The following PLCH1 variants were observed in gnomAD, a reference collection of about 807,000 sequenced individuals.
PLCH1 encodes phospholipase C eta 1, also known as 1-phosphatidylinositol 4,5-bisphosphate phosphodiesterase eta-1.
Under a neutral mutation model 126.7 loss-of-function variants are expected in PLCH1, and 60 were observed. The ratio of observed to expected loss-of-function variants is 0.47; its 90% confidence interval spans 0.38 to 0.59. PLCH1 has a LOEUF of 0.59. PLCH1 is among the 20% of genes least tolerant of loss of function. PLCH1 has a pLI of 0.00. For synonymous variants in PLCH1, 719 were observed against 734.9 expected (o/e 0.98, Z 0.35); for missense variants, 1,723 against 2,040.0 (o/e 0.84, Z 2.99).
intron 2 of PLCH1, among the ~76,000 whole-genome samples, chr3:155,601,267 G>A (rs926574246): frequency 4.6e-5 from 7 of 152,072 alleles, no homozygotes; most frequent in African/African-American, 7.2e-5. Context: ...GTGAGCCACC[G>A]CACCTGGCCT....
At chr3:155,583,405 C>A in intron 6 of PLCH1, 67 bp downstream of exon 6, 1 of 1,316,854 alleles carries the variant, frequency 7.6e-7, no homozygotes, top group Non-Finnish European at 1.1e-6. Context: ...ATATTTAACC[C>A]CAAAAGAAAG....
intron 10 of PLCH1, among the ~76,000 whole-genome samples, chr3:155,542,947 G>A (rs923890311): frequency 6.6e-6 from 1 of 152,160 alleles, no homozygotes; most frequent in African/African-American, 2.4e-5. Flanking sequence ...AAAAAACAGA[G>A]CAGAAAAACT....
At chr3:155,675,516 T>G (rs1185049697) in intron 2 of PLCH1, among the ~76,000 whole-genome samples, 1 of 152,188 alleles carries the variant, frequency 6.6e-6, no homozygotes, top group Non-Finnish European at 1.5e-5. Context: ...AGCTAATTAT[T>G]TTTACTATCC....
intron 2 of PLCH1, among the ~76,000 whole-genome samples, chr3:155,620,795 G>A (rs905014581): frequency 1.2e-4 from 18 of 152,138 alleles, no homozygotes; most frequent in Non-Finnish European, 2.4e-4. Flanking sequence ...CATCTCCCTG[G>A]GACAGAGCAC....
intron 2 of PLCH1, among the ~76,000 whole-genome samples, chr3:155,616,063 A>G (rs1055139004): frequency 2.0e-5 from 3 of 152,198 alleles, no homozygotes; most frequent in Admixed American, 1.3e-4. Context: ...GGTAAGGCCT[A>G]GAGACATTTG....
intron 1 of PLCH1, among the ~76,000 whole-genome samples, chr3:155,739,451 T>G (rs557833596): frequency 1.3e-4 from 20 of 152,196 alleles, no homozygotes; most frequent in African/African-American, 4.8e-4. Flanking sequence ...TAAACACCAC[T>G]TCCAAAAACA....
chr3:155,727,491 G>T (rs150981055), intron 1 of PLCH1, among the ~76,000 whole-genome samples: 4,505 of 151,426 alleles, frequency 0.03, 80 homozygotes, highest in Middle Eastern at 0.13. Context: ...GGGCTCAAGC[G>T]ATTCTCCTGC....
chr3:155,637,457 A>T (rs921848299), intron 2 of PLCH1, among the ~76,000 whole-genome samples: 2 of 152,204 alleles, frequency 1.3e-5, no homozygotes. Flanking sequence ...AAGGATGAGC[A>T]AAATAAAATG....
In PLCH1 at chr3:155,704,255, C is replaced by A. The variant is rs1746490668; in HGVS notation, c.-31G>T. ...GAAGATTTCTGGCACAGCATCAAAA[C>A]CAAATTGCCCTGTCAAGGGAAACAG... On this transcript the variant is annotated 5_prime_UTR_variant, in exon 2 of 23. Transcript: ENST00000460012. The A allele has an allele frequency of 1.0e-6, 1 of 997,570 alleles. No homozygotes were observed. The highest frequency in any genetic ancestry group is 1.3e-6 in the Non-Finnish European group (1 of 773,830). 61.8% of individuals were successfully genotyped at this position (997,570 alleles called of 1,614,324 possible).
At chr3:155,677,727 A>G (rs922075249) in intron 2 of PLCH1, among the ~76,000 whole-genome samples, 3 of 152,228 alleles carry the variant, frequency 2.0e-5, no homozygotes, top group African/African-American at 7.2e-5. Flanking sequence ...TTGTTTTACT[A>G]TTATTAATCT....
chr3:155,492,256 G>C (rs1193500602), intron 18 of PLCH1, among the ~76,000 whole-genome samples: 1 of 152,174 alleles, frequency 6.6e-6, no homozygotes, highest in African/African-American at 2.4e-5. Context: ...AAAAGACTGT[G>C]GCCGCAGATG....
intron 10 of PLCH1, among the ~76,000 whole-genome samples, chr3:155,524,677 C>T (rs1721665500): frequency 6.6e-6 from 1 of 152,050 alleles, no homozygotes; most frequent in South Asian, 2.1e-4. Flanking sequence ...ATTAGAGATA[C>T]TATAGTTTGA....
At position 155,481,617 on chromosome 3, in the gene PLCH1, T is replaced by C; in HGVS notation, c.4409A>G (p.His1470Arg). 1.2e-6 allele frequency: 2 copies of C among 1,614,186 alleles called. No individual in the cohort carries two copies. The highest frequency in any genetic ancestry group is 1.6e-4 in the Middle Eastern group (1 of 6,062). Residue 1470 changes from histidine to arginine, a missense_variant, in exon 23 of 23, where the codon CAT becomes CGT. By Grantham distance (29) the His-to-Arg change is conservative (BLOSUM62 0). Coordinates refer to ENST00000460012, the MANE Select transcript of PLCH1 (RefSeq NM_014996.4). This position sits in a 1 kb window ranked among gnomAD's most constrained non-coding sequence, Gnocchi z 4.2. The part of the protein sequence containing the change: ...MHVPVPKQLA[H>R]LPLPALKLPS... ...CAGTTTCAGAGCAGGCAAAGGAAGA[T>C]GTGCCAACTGCTTGGGTACAGGGAC... is the stretch of plus-strand genomic sequence containing the variant.
At chr3:155,544,300 A>G (rs1362600333) in intron 10 of PLCH1, among the ~76,000 whole-genome samples, 1 of 152,246 alleles carries the variant, frequency 6.6e-6, no homozygotes, top group Non-Finnish European at 1.5e-5. Context: ...AGGCCATTAC[A>G]TAATGGTAAA....
In PLCH1 at chr3:155,482,881, C is replaced by T; in HGVS notation, c.3145G>A (p.Gly1049Ser). ...CTCCCACCCCTAGGACTTGACATGC[C>T]CAGCTGTTCTCCTGTGACTGACATG... ...AHMSVTGEQL[G>S]MSSPRGGRTT... Residue 1049 changes from glycine (G) to serine (S), a missense_variant, in exon 23 of 23, where the codon GGC (glycine) becomes AGC (serine). Gly to Ser is a moderately conservative substitution (Grantham distance 56, BLOSUM62 0). This residue lies in a region of PLCH1 where 947 missense variants were observed against 977.1 expected (regional missense o/e 0.97). Coordinates refer to ENST00000460012, the MANE Select transcript of PLCH1 (RefSeq NM_014996.4). The T allele has an allele frequency of 6.2e-7, 1 of 1,614,098 alleles. No homozygotes were observed. The highest frequency in any genetic ancestry group is 8.5e-7 in the Non-Finnish European group (1 of 1,180,026).
At chr3:155,645,122 A>G (rs1271068582) in intron 2 of PLCH1, among the ~76,000 whole-genome samples, 1 of 152,176 alleles carries the variant, frequency 6.6e-6, no homozygotes, top group Non-Finnish European at 1.5e-5. Flanking sequence ...GCCCCTAGAT[A>G]TCTCCAGCCA....
At chr3:155,590,678 A>G (rs111570923) in intron 4 of PLCH1, among the ~76,000 whole-genome samples, 8,051 of 152,176 alleles carry the variant, frequency 0.053, 448 homozygotes, top group African/African-American at 0.13. Flanking sequence ...TGAACCCAGG[A>G]GGCGGAGCTT....
chr3:155,531,848 T>A (rs924507781), intron 10 of PLCH1, among the ~76,000 whole-genome samples: 1 of 152,214 alleles, frequency 6.6e-6, no homozygotes, highest in Non-Finnish European at 1.5e-5. Flanking sequence ...TTCACAAAAT[T>A]TAAGAGAGTT....
chr3:155,481,183 T>G lies in PLCH1; in HGVS notation c.4843A>C (p.Thr1615Pro), dbSNP rs2108000285. 1.2e-6 allele frequency: 2 copies of G among 1,614,120 alleles called. No homozygotes were observed. Among genetic ancestry groups the G allele is most frequent in the East Asian group, 4.5e-5 (2 of 44,856 alleles). The change falls in exon 23 of 23, where the codon ACC becomes CCC. Residue 1615 changes from threonine to proline, a missense_variant. This residue lies in a region of PLCH1 where 947 missense variants were observed against 977.1 expected (regional missense o/e 0.97). Coordinates refer to ENST00000460012, the MANE Select transcript of PLCH1 (RefSeq NM_014996.4). This position sits in a 1 kb window ranked among gnomAD's most constrained non-coding sequence, Gnocchi z 4.2. ...GTGGAGTGGCGATTCACTGCAGGGG[T>G]GGGTGCTGAGGGTTTGTTTCTAAGA... Reference protein sequence around the residue: ...VVLRNKPSAPTPAVNRHSTGS... With the variant: ...VVLRNKPSAPPPAVNRHSTGS...
Sources: gnomAD v4.1 joint callset for allele counts (sites outside exome capture counted in the v4.1 genomes callset) on GRCh38, gnomAD v4.1.1 for gene constraint, gnomAD v4.1.1 regional missense constraint, Gnocchi (gnomAD v3.1) non-coding constraint, MANE v1.5 for transcripts, NCBI Gene and HGNC (gene_info 2026-07-23, HGNC 2026-07-21) for gene names.